Variants in SLC25A3 observed in about 807,000 individuals in gnomAD.
SLC25A3 encodes solute carrier family 25 member 3.
SLC25A3 carries 14 observed loss-of-function variants against 37.1 expected under a neutral mutation model. That is an observed-to-expected ratio of 0.38 (90% CI 0.25 to 0.59). The LOEUF is 0.59. Among genes scored for constraint, SLC25A3 ranks in the 20% least tolerant of loss-of-function variants. The pLI, the probability that SLC25A3 is intolerant of heterozygous loss-of-function variation, is 0.67. For synonymous variants in SLC25A3, 161 were observed against 168.7 expected, an observed-to-expected ratio of 0.95 and a Z score of 0.36; for missense variants, 385 against 458.1, an observed-to-expected ratio of 0.84 and a Z score of 1.46.
intron 5 of SLC25A3, 35 bp from the exon 6 acceptor site, chr12:98,599,920 T>A (rs764862781): frequency 6.2e-7 from 1 of 1,612,080 alleles, no homozygotes. Flanking sequence ...GATGAGTGTA[T>A]GCAACTGTGT....
At chr12:98,600,784 C>T (rs1222068166) in intron 6 of SLC25A3, among the ~76,000 whole-genome samples, 2 of 152,160 alleles carry the variant, frequency 1.3e-5, no homozygotes. Context: ...GGTGATGTGC[C>T]TGGCCTATAA....
At position 98,601,224 on chromosome 12, in the gene SLC25A3, T is replaced by C. The variant is rs1305582514; in HGVS notation, c.868T>C (p.Leu290=). Residue 290 remains leucine, a synonymous_variant, in exon 7 of 8, where the codon TTG becomes CTG. Transcript: ENST00000552981. ...CCCTGCTGATTCTGTGGTATCTGTG[T>C]TGAATAAAGAAAAAGGTAGCAGTGC... ...SHPADSVVSV[L]NKEKGSSASL... 5 of 1,613,902 alleles carry C rather than the reference T, an allele frequency of 3.1e-6. No homozygotes were observed. In the Admixed American group the frequency reaches 5.0e-5, roughly 16 times the overall value.
Position 98,601,573 on chromosome 12 carries a change from T to C in SLC25A3, c.*45T>C, listed in dbSNP as rs977785500. The C allele has an allele frequency of 3.9e-6, 5 of 1,292,220 alleles. No homozygotes were observed. Among genetic ancestry groups the C allele is most frequent in the Non-Finnish European group, 5.6e-6 (5 of 886,632 alleles). The allele number at this position is 1,292,220 out of a possible 1,614,324, so 80.0% of individuals were successfully genotyped here. On this transcript the variant is annotated 3_prime_UTR_variant, in exon 8 of 8. Coordinates refer to ENST00000552981, the MANE Select transcript of SLC25A3 (RefSeq NM_002635.4). ...GACTGAATCTGCTTGTTGATCAGTG[T>C]TGAAGAAAGTGCAAAAGGAACTTTT...
At position 98,598,812 on chromosome 12, in the gene SLC25A3, G is replaced by A. The variant is rs1453927557; in HGVS notation, c.641+109G>A. On this transcript the variant is annotated intron_variant, in intron 5 of 7. Coordinates refer to ENST00000552981, the MANE Select transcript of SLC25A3 (RefSeq NM_002635.4). ...TTTTTTTGAGACAAAGTCTCGCTCT[G>A]TCACCCAGGCTGGAGTGCAGTGGCG... 4.6e-5 allele frequency: 49 copies of A among 1,074,840 alleles called. 1 individual carries two copies. In the South Asian group the frequency reaches 5.9e-4, roughly 13 times the overall value. The allele number at this position is 1,074,840 out of a possible 1,614,324, so 66.6% of individuals were successfully genotyped here.
At position 98,597,888 on chromosome 12, in the gene SLC25A3, C is replaced by T. The variant is rs774087747; in HGVS notation, c.312C>T (p.Asn104=). 59 of 1,613,748 alleles carry T rather than the reference C, an allele frequency of 3.7e-5. No individual in the cohort carries two copies. Among genetic ancestry groups the T allele is most frequent in the African/African-American group, 5.3e-5 (4 of 74,822 alleles). ...CCCAAAAGTACAAGGGCATATTTAA[C>T]GGATTCTCAGTTACACTTAAAGAGG... ...VDPQKYKGIF[N]GFSVTLKEDG... Residue 104 remains asparagine, a synonymous_variant, in exon 4 of 8, where the codon AAC becomes AAT. Coordinates refer to ENST00000552981, the MANE Select transcript of SLC25A3 (RefSeq NM_002635.4).
At chr12:98,600,526 T>G (rs2097596967) in intron 6 of SLC25A3, among the ~76,000 whole-genome samples, 1 of 152,160 alleles carries the variant, frequency 6.6e-6, no homozygotes, top group Non-Finnish European at 1.5e-5. Context: ...GATTCTCCTG[T>G]CTCAGCCTCC....
At chr12:98,597,417 T>TG (rs1039115249) in intron 3 of SLC25A3, 2 of 134,940 alleles carry the variant, frequency 1.5e-5, no homozygotes, top group African/African-American at 6.6e-5. Flanking sequence ...ACTGTATTTC[T>TG]TTTTTTTTTT....
At position 98,602,760 on chromosome 12, in the gene SLC25A3, T is replaced by A. The variant is rs975503666; in HGVS notation, c.*1232T>A. The A allele has an allele frequency of 1.3e-5, 2 of 152,214 alleles. No individual in the cohort carries two copies. Among genetic ancestry groups the A allele is most frequent in the Non-Finnish European group, 2.9e-5 (2 of 68,038 alleles). The allele number at this position is 152,214 out of a possible 1,614,324, so 9.4% of individuals were successfully genotyped here. A position where few individuals can be genotyped will look rare whatever the true frequency, so the allele number is the denominator to read the frequency against. On this transcript the variant is annotated 3_prime_UTR_variant, in exon 8 of 8. Coordinates refer to ENST00000552981, the MANE Select transcript of SLC25A3 (RefSeq NM_002635.4). ...AGTGTAATATATAACATGCTGTTTT[T>A]CAAACACTAGATTTTACCTAGAGTC... is the stretch of plus-strand genomic sequence containing the variant.
chr12:98,603,147 A>T lies in SLC25A3; in HGVS notation c.*1619A>T, dbSNP rs747656936. 3.9e-5 allele frequency: 6 copies of T among 152,242 alleles called. No homozygotes were observed. The highest frequency in any genetic ancestry group is 8.8e-5 in the Non-Finnish European group (6 of 68,052). The allele number at this position is 152,242 out of a possible 1,614,324, so 9.4% of individuals were successfully genotyped here. The stretch of plus-strand genomic sequence containing the variant: ...TTATTTCTTGCTATGTTAGCAAAGC[A>T]TCCAAAGATCAATGGTGTATGATAA... On this transcript the variant is annotated 3_prime_UTR_variant, in exon 8 of 8. Coordinates refer to ENST00000552981, the MANE Select transcript of SLC25A3 (RefSeq NM_002635.4).
Position 98,598,102 on chromosome 12 carries a change from T to C in SLC25A3, c.459+67T>C, listed in dbSNP as rs940662158. ...GACTTTCCGAGTGTTCTTAGATTTT[T>C]GTCTGTCTTGCCTTATTTTAGCACT... On this transcript the variant is annotated intron_variant, in intron 4 of 7. Coordinates refer to ENST00000552981, the MANE Select transcript of SLC25A3 (RefSeq NM_002635.4). The C allele has an allele frequency of 8.4e-6, 13 of 1,541,944 alleles. No homozygotes were observed. In the Admixed American group the frequency reaches 2.2e-4, roughly 26 times the overall value.
intron 3 of SLC25A3, 44 bp from the exon 4 acceptor site, chr12:98,597,812 G>T (rs2097594245): frequency 6.2e-7 from 1 of 1,601,106 alleles, no homozygotes; most frequent in South Asian, 1.1e-5. Context: ...TTTTATGTTA[G>T]CTGTTTGGTG....
At chr12:98,593,845 T>C in intron 1 of SLC25A3, 105 bp downstream of exon 1, 1 of 1,073,022 alleles carries the variant, frequency 9.3e-7, no homozygotes, top group Admixed American at 2.1e-5. Flanking sequence ...GCAGCCTCTT[T>C]CGAAGGCCGC....
intron 6 of SLC25A3, among the ~76,000 whole-genome samples, chr12:98,600,536 C>T (rs1158207402): frequency 1.3e-5 from 2 of 152,224 alleles, no homozygotes; most frequent in Admixed American, 6.5e-5. Context: ...TCTCAGCCTC[C>T]TGAGTAGCTG....
rs1168895321 is a variant in SLC25A3, at chr12:98,605,853, T to A, written c.*4325T>A. 1 of 151,024 alleles carries A rather than the reference T, an allele frequency of 6.6e-6. No homozygotes were observed. Among genetic ancestry groups the A allele is most frequent in the Non-Finnish European group, 1.5e-5 (1 of 68,012 alleles). The allele number at this position is 151,024 out of a possible 1,614,324, so 9.4% of individuals were successfully genotyped here. A position where few individuals can be genotyped will look rare whatever the true frequency, so the allele number is the denominator to read the frequency against. The stretch of plus-strand genomic sequence containing the variant: ...TGTATATCAGGCTGGGCACAGTGGC[T>A]CATACCCGTAATCCCAGCACTTTGG... On this transcript the variant is annotated 3_prime_UTR_variant, in exon 8 of 8. Coordinates refer to ENST00000552981, the MANE Select transcript of SLC25A3 (RefSeq NM_002635.4).
chr12:98,597,140 A>C lies in SLC25A3; in HGVS notation c.280-716A>C, dbSNP rs569447367. Among the ~76,000 whole-genome samples the C allele has an allele frequency of 3.9e-5, 6 of 152,258 alleles. No homozygotes were observed. In the East Asian group the frequency reaches 9.6e-4, roughly 24 times the overall value. Reference sequence around the variant, plus strand: ...CTCTTAACTATCACTCCAAGACTTAAGTTTGACACAGAAAGCTTTTGTTGA... The same window carrying C: ...CTCTTAACTATCACTCCAAGACTTACGTTTGACACAGAAAGCTTTTGTTGA... On this transcript the variant is annotated intron_variant, in intron 3 of 7. Coordinates refer to ENST00000552981, the MANE Select transcript of SLC25A3 (RefSeq NM_002635.4).
In SLC25A3 at chr12:98,602,464, C is replaced by CT. The variant is rs2097598670; in HGVS notation, c.*937dup. 6.6e-6 allele frequency: 1 copy of CT among 152,124 alleles called. No individual in the cohort carries two copies. Among genetic ancestry groups the CT allele is most frequent in the Non-Finnish European group, 1.5e-5 (1 of 68,008 alleles). The allele number at this position is 152,124 out of a possible 1,614,324, so 9.4% of individuals were successfully genotyped here. On this transcript the variant is annotated 3_prime_UTR_variant, in exon 8 of 8. Coordinates refer to ENST00000552981, the MANE Select transcript of SLC25A3 (RefSeq NM_002635.4). ...TAGGCATGAGCCACCGTGCCCGGCTCTGACTTTTTACAGAAAATTGAACTA... is the reference window on the plus strand; with the variant it reads ...TAGGCATGAGCCACCGTGCCCGGCTCTTGACTTTTTACAGAAAATTGAACTA...
chr12:98,594,219 C>A, intron 2 of SLC25A3, 84 bp downstream of exon 2: 3 of 1,166,848 alleles, frequency 2.6e-6, no homozygotes, highest in Non-Finnish European at 3.7e-6. Flanking sequence ...GCTTGGAGGA[C>A]AGGGAAGGAC....
chr12:98,598,443 T>G, intron 4 of SLC25A3, 79 bp from the exon 5 acceptor site: 1 of 1,607,710 alleles, frequency 6.2e-7, no homozygotes, highest in South Asian at 1.1e-5. Context: ...TGAAGCTTAG[T>G]TGTTTTCTAG....
Position 98,598,714 on chromosome 12 carries a change from A to T in SLC25A3, c.641+11A>T, listed in dbSNP as rs899282003. 1.6e-5 allele frequency: 25 copies of T among 1,609,154 alleles called. No individual in the cohort carries two copies. The East Asian group carries it at 5.1e-4, about 33-fold the overall frequency. ...AGAAGGCCTAAAAGCGTAAGTAAAC[A>T]CTTAAAAATTTATACTATGAAAGTA... is the stretch of plus-strand genomic sequence containing the variant. On this transcript the variant is annotated intron_variant, in intron 5 of 7. Coordinates refer to ENST00000552981, the MANE Select transcript of SLC25A3 (RefSeq NM_002635.4).
Sources: gnomAD v4.1 joint callset for allele counts (sites outside exome capture counted in the v4.1 genomes callset) on GRCh38, gnomAD v4.1.1 for gene constraint, MANE v1.5 for transcripts, NCBI Gene and HGNC (gene_info 2026-07-23, HGNC 2026-07-21) for gene names.